The following USP8 variants were observed in gnomAD, a reference collection of about 807,000 sequenced individuals.
USP8 encodes ubiquitin carboxyl-terminal hydrolase 8.
In USP8, 27 loss-of-function variants were observed where a neutral mutation model predicts 130.0. That is an observed-to-expected ratio of 0.21 (90% CI 0.15 to 0.29). The LOEUF (loss-of-function observed/expected upper bound fraction) is 0.29, where lower values mean the gene tolerates loss of function less well. Among genes scored for constraint, USP8 ranks in the 10% least tolerant of loss-of-function variants. The pLI is 1.00. For synonymous variants in USP8, 392 were observed against 444.1 expected, an observed-to-expected ratio of 0.88 and a Z score of 1.48; for missense variants, 1,029 against 1,312.2, an observed-to-expected ratio of 0.78 and a Z score of 3.33.
At chr15:50,443,875 G>A (rs1208407918) in intron 3 of USP8, among the ~76,000 whole-genome samples, 1 of 152,068 alleles carries the variant, frequency 6.6e-6, no homozygotes, top group Non-Finnish European at 1.5e-5. Flanking sequence ...GTCCTGCCCT[G>A]GGAAAAATAC....
intron 6 of USP8, among the ~76,000 whole-genome samples, chr15:50,463,725 C>T (rs987507732): frequency 1.3e-5 from 2 of 152,110 alleles, no homozygotes; most frequent in Non-Finnish European, 2.9e-5. Flanking sequence ...GGAAGGAGGA[C>T]GATTGTTAGC....
At chr15:50,495,389 A>G (rs2052352545) in intron 16 of USP8, among the ~76,000 whole-genome samples, 2 of 151,662 alleles carry the variant, frequency 1.3e-5, no homozygotes, top group Admixed American at 6.6e-5. Flanking sequence ...CAACAAAATT[A>G]TATATGTCCA....
At chr15:50,489,763 A>C (rs1382343282) in intron 12 of USP8, 38 bp from the exon 13 acceptor site, 6 of 1,337,176 alleles carry the variant, frequency 4.5e-6, no homozygotes, top group Non-Finnish European at 4.9e-6. Context: ...GATTTAAAAA[A>C]AATTTTTTTT....
intron 4 of USP8, among the ~76,000 whole-genome samples, chr15:50,456,434 G>A (rs950759197): frequency 4.0e-5 from 6 of 151,840 alleles, no homozygotes; most frequent in African/African-American, 7.3e-5. Flanking sequence ...GTAGCTGGCC[G>A]TGGTGGTGGG....
rs768250912 is a variant in USP8 at position 50,498,584 on chromosome 15, T to G, written c.3039-12T>G. 3 of 1,601,612 alleles carry G rather than the reference T, an allele frequency of 1.9e-6. No individual in the cohort carries two copies. The highest frequency in any genetic ancestry group is 3.4e-5 in the Admixed American group (2 of 58,458). On this transcript the variant is annotated splice_polypyrimidine_tract_variant and intron_variant, in intron 18 of 19. Transcript: ENST00000307179. ...TCCTCTGTCAGTGTAATTGTAATGT[T>G]TTGTTCTGCAGTTTTTCCTACGATG...
chr15:50,497,076 T>C lies in USP8; in HGVS notation c.2896-13T>C. On this transcript the variant is annotated splice_polypyrimidine_tract_variant and intron_variant, in intron 17 of 19. Transcript: ENST00000307179. ...GAATTAACGAGTATCTGCTACTTGT[T>C]TTTTTCTGCCAGGATTGCCTTAGAT... 3 of 1,586,702 alleles carry C rather than the reference T, an allele frequency of 1.9e-6. No individual in the cohort carries two copies. Among genetic ancestry groups the C allele is most frequent in the Non-Finnish European group, 2.6e-6 (3 of 1,170,710 alleles).
At position 50,442,698 on chromosome 15, in the gene USP8, T is replaced by C. The variant is rs147076665; in HGVS notation, c.249+1205T>C. Reference sequence around the variant, plus strand: ...AGGCAGAGGTTGCAGTGAGCCGAGATTGCACCACTGCACTCCAGCTCCAGC... The same window carrying C: ...AGGCAGAGGTTGCAGTGAGCCGAGACTGCACCACTGCACTCCAGCTCCAGC... On this transcript the variant is annotated intron_variant, in intron 3 of 19. Transcript: ENST00000307179. Among the ~76,000 whole-genome samples the C allele has an allele frequency of 9.4e-3, 1,424 of 152,206 alleles. 22 individuals are homozygous for C. Among genetic ancestry groups the C allele is most frequent in the African/African-American group, 0.032 (1,328 of 41,526 alleles).
intron 7 of USP8, 138 bp downstream of exon 7, chr15:50,465,329 T>C (rs2051152906): frequency 2.2e-6 from 2 of 926,808 alleles, no homozygotes; most frequent in East Asian, 3.0e-5. Context: ...CTTTGCCTCT[T>C]TTTATGTGTG....
intron 3 of USP8, among the ~76,000 whole-genome samples, chr15:50,442,719 C>G (rs977098017): frequency 1.3e-5 from 2 of 152,072 alleles, no homozygotes; most frequent in African/African-American, 4.8e-5. Flanking sequence ...CACTCCAGCT[C>G]CAGCCCAGGT....
At chr15:50,475,918 A>T (rs888396418) in intron 8 of USP8, among the ~76,000 whole-genome samples, 1 of 152,086 alleles carries the variant, frequency 6.6e-6, no homozygotes, top group African/African-American at 2.4e-5. Flanking sequence ...ATTTATATAT[A>T]TTTTTAAGTG....
At chr15:50,464,041 G>C (rs1339949480) in intron 6 of USP8, among the ~76,000 whole-genome samples, 1 of 152,108 alleles carries the variant, frequency 6.6e-6, no homozygotes, top group African/African-American at 2.4e-5. Flanking sequence ...CAAGTAGAAT[G>C]ACAATTGGCA....
chr15:50,495,061 C>T (rs1427805381), intron 16 of USP8, among the ~76,000 whole-genome samples: 1 of 150,884 alleles, frequency 6.6e-6, no homozygotes, highest in African/African-American at 2.4e-5. Flanking sequence ...CCAAATGACT[C>T]ATGTGACTAG....
At position 50,499,261 on chromosome 15, in the gene USP8, C is replaced by T. The variant is rs888372074; in HGVS notation, c.*173C>T. On this transcript the variant is annotated 3_prime_UTR_variant, in exon 20 of 20. Transcript: ENST00000307179. ...GTCAGTGCTGACAAATAACATTTAA[C>T]AAGTATTGCAGTAATCATCACTTAC... is the stretch of plus-strand genomic sequence containing the variant. 4.0e-6 allele frequency: 2 copies of T among 498,366 alleles called. No homozygotes were observed. Among genetic ancestry groups the T allele is most frequent in the Non-Finnish European group, 3.2e-6 (1 of 312,216 alleles). The allele number at this position is 498,366 out of a possible 1,614,324, so 30.9% of individuals were successfully genotyped here.
In USP8 at chr15:50,514,317, G is replaced by T. The variant is rs2052779307; in HGVS notation, c.*15229G>T. The T allele has an allele frequency of 6.6e-6, 1 of 152,138 alleles. No individual in the cohort carries two copies. The highest frequency in any genetic ancestry group is 2.4e-5 in the African/African-American group (1 of 41,434). The allele number at this position is 152,138 out of a possible 1,614,324, so 9.4% of individuals were successfully genotyped here. On this transcript the variant is annotated 3_prime_UTR_variant, in exon 20 of 20. Coordinates refer to ENST00000307179, the MANE Select transcript of USP8 (RefSeq NM_005154.5). ...CATTCTGTTTAAACTCTGTTCTGCT[G>T]GTTACATGGGTATGTTCACTTGAAA...
At position 50,471,793 on chromosome 15, in the gene USP8, A is replaced by G; in HGVS notation, c.847A>G (p.Lys283Glu). ...TLRSLKDALF[K>E]WESKTVLRNE... is the part of the protein sequence containing the mutation. ...CCGGAGTCTGAAAGATGCACTTTTC[A>G]AGGTTTGCAAGTTTCATTGTTAGTT... is the stretch of plus-strand genomic sequence containing the variant. The change falls in exon 8 of 20, where the codon AAG (lysine) becomes GAG (glutamate). Residue 283 changes from lysine (K) to glutamate (E), a missense_variant and splice_region_variant. Around this residue, in one of 4 missense-constraint regions of USP8, gnomAD observed 281 missense variants for 336.7 expected, o/e 0.83. Coordinates refer to ENST00000307179, the MANE Select transcript of USP8 (RefSeq NM_005154.5). The G allele has an allele frequency of 6.2e-7, 1 of 1,613,596 alleles. No homozygotes were observed. The highest frequency in any genetic ancestry group is 8.5e-7 in the Non-Finnish European group (1 of 1,179,880).
chr15:50,442,515 G>A (rs1190302411), intron 3 of USP8, among the ~76,000 whole-genome samples: 2 of 152,128 alleles, frequency 1.3e-5, no homozygotes, highest in African/African-American at 4.8e-5. Context: ...AGGCCAAGGT[G>A]GGTGGATCAC....
intron 6 of USP8, among the ~76,000 whole-genome samples, chr15:50,463,832 G>A (rs1310404951): frequency 6.6e-6 from 1 of 152,074 alleles, no homozygotes; most frequent in Non-Finnish European, 1.5e-5. Flanking sequence ...CTCTCTTGTA[G>A]TGCCTTTTAA....
chr15:50,487,340 G>T (rs2052001522), intron 12 of USP8, among the ~76,000 whole-genome samples: 1 of 151,524 alleles, frequency 6.6e-6, no homozygotes, highest in Admixed American at 6.6e-5. Context: ...AGCTGAAAAT[G>T]AGTTAACAAT....
At chr15:50,440,043 G>T (rs1390530089) in intron 2 of USP8, among the ~76,000 whole-genome samples, 2 of 152,080 alleles carry the variant, frequency 1.3e-5, no homozygotes, top group African/African-American at 4.8e-5. Flanking sequence ...TTGCACCGTT[G>T]CACTCCAGCC....
Sources: gnomAD v4.1 joint callset for allele counts (sites outside exome capture counted in the v4.1 genomes callset) on GRCh38, gnomAD v4.1.1 for gene constraint, gnomAD v4.1.1 regional missense constraint, MANE v1.5 for transcripts, NCBI Gene and HGNC (gene_info 2026-07-23, HGNC 2026-07-21) for gene names.